The following UNC13C variants were observed in gnomAD, a reference collection of about 807,000 sequenced individuals.
UNC13C encodes the protein unc-13 homolog C, also known as protein unc-13 homolog C.
A neutral mutation model predicts 245.4 loss-of-function variants in UNC13C; 174 were observed. The observed-to-expected ratio is 0.71, with a 90% CI of 0.63 to 0.80. The LOEUF (loss-of-function observed/expected upper bound fraction) is 0.80. UNC13C is among the 30% of genes least tolerant of loss of function. The probability of loss-of-function intolerance (pLI) is 0.00; values close to 1 mark genes in which losing one functional copy is unlikely to be tolerated. For synonymous variants in UNC13C, 992 were observed against 895.1 expected, an observed-to-expected ratio of 1.11 and a Z score of -1.93; for missense variants, 2,829 against 2,602.9, an observed-to-expected ratio of 1.09 and a Z score of -1.89.
chr15:53,994,739 G>A (rs1894540625), intron 1 of UNC13C, among the ~76,000 whole-genome samples: 1 of 152,086 alleles, frequency 6.6e-6, no homozygotes. Flanking sequence ...GTGTGGTGAG[G>A]ATTAATTGAA....
At chr15:54,225,559 T>A (rs2035356975) in intron 4 of UNC13C, among the ~76,000 whole-genome samples, 1 of 152,200 alleles carries the variant, frequency 6.6e-6, no homozygotes, top group Admixed American at 6.5e-5. Flanking sequence ...TATTTTATTC[T>A]CTTCGTAGCA....
At chr15:54,099,055 A>T (rs1900029560) in intron 2 of UNC13C, among the ~76,000 whole-genome samples, 1 of 152,244 alleles carries the variant, frequency 6.6e-6, no homozygotes, top group Non-Finnish European at 1.5e-5. Flanking sequence ...TCAGAGGCTT[A>T]GCAGTCCCTT....
At chr15:54,446,755 C>G (rs760697005) in intron 19 of UNC13C, among the ~76,000 whole-genome samples, 2 of 152,180 alleles carry the variant, frequency 1.3e-5, no homozygotes. Context: ...AGTTGACTTC[C>G]TCTTTTCCCA....
rs542821168 is a variant in UNC13C at position 54,134,686 on chromosome 15, A to AT, written c.2984-8322dup. On this transcript the variant is annotated intron_variant, in intron 2 of 32. Transcript: ENST00000260323. ...AGGCGCCAGCCACCACGCCTGGCTA[A>AT]TTTTTTTTTTGTATTTTTAGTAGAG... 8.1e-3 allele frequency among the ~76,000 whole-genome samples: 1,207 copies of AT among 148,858 alleles called. 12 individuals carry two copies. The highest frequency in any genetic ancestry group is 0.022 in the African/African-American group (912 of 40,692).
At chr15:54,336,043 G>T (rs59011508) in intron 16 of UNC13C, among the ~76,000 whole-genome samples, 11,564 of 107,930 alleles carry the variant, frequency 0.11, 535 homozygotes, top group Admixed American at 0.18. Flanking sequence ...ATAATATTGA[G>T]AATTTTGGAG....
At position 54,567,846 on chromosome 15, in the gene UNC13C, A is replaced by G; in HGVS notation, c.6005A>G (p.Glu2002Gly). The stretch of plus-strand genomic sequence containing the variant: ...AATGGCCTGAAAAAGAATTTCTTGG[A>G]GAAAAGCCCAGATCTTCAGTCTCTG... ...GGNGLKKNFLEKSPDLQSLRY... is the reference protein window; with the variant it reads ...GGNGLKKNFLGKSPDLQSLRY... Residue 2002 changes from glutamate to glycine, a missense_variant, in exon 30 of 33, where the codon GAG becomes GGG. Physicochemically the swap from Glu to Gly is moderately conservative, Grantham distance 98 (BLOSUM62 -2). Transcript: ENST00000260323. The G allele has an allele frequency of 6.2e-7, 1 of 1,604,312 alleles. No individual in the cohort carries two copies. Among genetic ancestry groups the G allele is most frequent in the East Asian group, 2.2e-5 (1 of 44,606 alleles).
intron 19 of UNC13C, among the ~76,000 whole-genome samples, chr15:54,483,567 C>G (rs1369889751): frequency 1.3e-5 from 2 of 152,148 alleles, no homozygotes; most frequent in South Asian, 2.1e-4. Context: ...GCGATCTCAG[C>G]TCACTGCAAC....
At chr15:53,949,765 G>A in the UNC13C span, among the ~76,000 whole-genome samples, 1 of 152,176 alleles carries the variant, frequency 6.6e-6, no homozygotes, top group Non-Finnish European at 1.5e-5. Context: ...GAATTAATCA[G>A]ATTTTATTAG....
At chr15:54,325,146 A>G (rs1011350250) in intron 14 of UNC13C, among the ~76,000 whole-genome samples, 2 of 152,050 alleles carry the variant, frequency 1.3e-5, no homozygotes, top group Admixed American at 6.6e-5. Context: ...GTCATTAAAA[A>G]TCGAGTTTTT....
intron 4 of UNC13C, among the ~76,000 whole-genome samples, chr15:54,144,160 C>T (rs1414599592): frequency 1.3e-5 from 2 of 152,040 alleles, no homozygotes; most frequent in Non-Finnish European, 2.9e-5. Flanking sequence ...AAAATTTAAT[C>T]ACAAAAATAA....
intron 4 of UNC13C, among the ~76,000 whole-genome samples, chr15:54,224,006 A>C (rs1165702958): frequency 6.6e-6 from 1 of 152,094 alleles, no homozygotes; most frequent in Non-Finnish European, 1.5e-5. Context: ...AACTTTACTA[A>C]ATTTGTTGAT....
intron 4 of UNC13C, 74 bp from the exon 5 acceptor site, chr15:54,234,956 C>T (rs751927587): frequency 1.2e-4 from 160 of 1,313,794 alleles, no homozygotes; most frequent in Middle Eastern, 7.3e-4. Context: ...GACTTTATAC[C>T]ATGAACAGTG....
intron 19 of UNC13C, among the ~76,000 whole-genome samples, chr15:54,486,130 C>T (rs995646856): frequency 5.9e-5 from 9 of 151,954 alleles, no homozygotes; most frequent in African/African-American, 2.2e-4. Context: ...TACCCAGTGG[C>T]CGGGCATGGT....
the UNC13C span, among the ~76,000 whole-genome samples, chr15:53,894,277 TC>T: frequency 6.6e-6 from 1 of 152,228 alleles, no homozygotes; most frequent in African/African-American, 2.4e-5. Context: ...CTGGAGCTGT[TC>T]CTATTTGGCC....
chr15:54,391,862 C>A (rs1237756517), intron 17 of UNC13C, among the ~76,000 whole-genome samples: 1 of 152,044 alleles, frequency 6.6e-6, no homozygotes, highest in Non-Finnish European at 1.5e-5. Flanking sequence ...AATTAAATGA[C>A]AACTCAACAA....
intron 25 of UNC13C, among the ~76,000 whole-genome samples, chr15:54,531,043 A>T (rs537341244): frequency 1.1e-4 from 16 of 152,316 alleles, no homozygotes; most frequent in Admixed American, 9.2e-4. Context: ...AAAGGGGTCT[A>T]TAGTGGCATT....
intron 19 of UNC13C, among the ~76,000 whole-genome samples, chr15:54,438,505 C>T (rs1395978450): frequency 6.6e-6 from 1 of 151,940 alleles, no homozygotes; most frequent in Non-Finnish European, 1.5e-5. Context: ...CATAAGGAGT[C>T]CTCTTTCTTA....
chr15:54,431,647 T>C (rs757340493), intron 19 of UNC13C, among the ~76,000 whole-genome samples: 1 of 151,750 alleles, frequency 6.6e-6, no homozygotes, highest in Non-Finnish European at 1.5e-5. Context: ...TTTTCAAGAC[T>C]GTTGGTTATA....
chr15:54,082,101 T>A (rs143580091), intron 2 of UNC13C, among the ~76,000 whole-genome samples: 183 of 152,326 alleles, frequency 1.2e-3, no homozygotes, highest in African/African-American at 4.2e-3. Flanking sequence ...TTAAGAAGGC[T>A]AAAAGTAGGC....
Sources: gnomAD v4.1 joint callset for allele counts (sites outside exome capture counted in the v4.1 genomes callset) on GRCh38, gnomAD v4.1.1 for gene constraint, MANE v1.5 for transcripts, NCBI Gene and HGNC (gene_info 2026-07-23, HGNC 2026-07-21) for gene names.